The following PDE1A variants were observed in gnomAD, a reference collection of about 807,000 sequenced individuals.
The protein encoded by PDE1A is phosphodiesterase 1A.
In PDE1A, 35 loss-of-function variants were observed where a neutral mutation model predicts 61.7. The observed-to-expected ratio is 0.57, with a 90% CI of 0.43 to 0.75. The LOEUF (loss-of-function observed/expected upper bound fraction) is 0.75, where lower values mean the gene tolerates loss of function less well. Among genes scored for constraint, PDE1A ranks in the 30% least tolerant of loss-of-function variants. The pLI is 0.00. For missense variants in PDE1A, 597 were observed against 630.6 expected (o/e 0.95, Z 0.57); for synonymous variants, 232 against 213.2 (o/e 1.09, Z -0.77).
At chr2:182,547,525 A>T in the PDE1A span, among the ~76,000 whole-genome samples, 1 of 152,250 alleles carries the variant, frequency 6.6e-6, no homozygotes, top group Non-Finnish European at 1.5e-5. Context: ...GTTTTTATTA[A>T]TCAGGCCAGG....
chr2:182,608,596 C>T, the PDE1A span, among the ~76,000 whole-genome samples: 1 of 152,220 alleles, frequency 6.6e-6, no homozygotes, highest in Non-Finnish European at 1.5e-5. Flanking sequence ...CCTGGGCCAG[C>T]AGCTGCTGTG....
In PDE1A at chr2:182,191,855, T is replaced by TA. The variant is rs1050479003; in HGVS notation, c.1126-2796_1126-2795insT. On this transcript the variant is annotated intron_variant, in intron 10 of 13. Coordinates refer to ENST00000351439, the Ensembl canonical transcript of PDE1A. ...TATGATGATTTACTTTCTTTTTTTT[T>TA]TTATTTTTTTATTTTTTTTGAGACA... Among the ~76,000 whole-genome samples the TA allele has an allele frequency of 8.6e-5, 13 of 151,088 alleles. 1 individual carries two copies. Among genetic ancestry groups the TA allele is most frequent in the Admixed American group, 4.0e-4 (6 of 15,134 alleles).
chr2:182,454,126 A>T (rs1224892909), intron 2 of PDE1A, among the ~76,000 whole-genome samples: 2 of 152,184 alleles, frequency 1.3e-5, no homozygotes, highest in Non-Finnish European at 2.9e-5. Flanking sequence ...CACGAATAAC[A>T]GACAAACAGA....
the PDE1A span, among the ~76,000 whole-genome samples, chr2:182,585,251 G>A: frequency 5.9e-5 from 9 of 152,124 alleles, no homozygotes; most frequent in African/African-American, 1.7e-4. Context: ...AATTAGATTC[G>A]TGATAGCAAC....
chr2:182,633,286 T>G, the PDE1A span, among the ~76,000 whole-genome samples: 2 of 152,152 alleles, frequency 1.3e-5, no homozygotes, highest in African/African-American at 4.8e-5. Context: ...TGTAGTCAAA[T>G]AGATTTTCCT....
At chr2:182,668,614 C>T in the PDE1A span, among the ~76,000 whole-genome samples, 2 of 152,142 alleles carry the variant, frequency 1.3e-5, no homozygotes. Flanking sequence ...TGAAAGAACA[C>T]TCAGGGGGCT....
At chr2:182,309,855 G>T (rs1695848629) in intron 1 of PDE1A, among the ~76,000 whole-genome samples, 1 of 152,134 alleles carries the variant, frequency 6.6e-6, no homozygotes, top group Non-Finnish European at 1.5e-5. Flanking sequence ...AAGTATGGTG[G>T]AAAAGTTGCC....
At chr2:182,653,794 C>T in the PDE1A span, among the ~76,000 whole-genome samples, 4 of 152,198 alleles carry the variant, frequency 2.6e-5, no homozygotes, top group East Asian at 3.9e-4. Flanking sequence ...GGCTCAGATA[C>T]GAGTCTTAAC....
At chr2:182,580,895 T>C in the PDE1A span, among the ~76,000 whole-genome samples, 1 of 152,070 alleles carries the variant, frequency 6.6e-6, no homozygotes, top group Non-Finnish European at 1.5e-5. Context: ...TCCACATAAA[T>C]TACATGCCTT....
At chr2:182,625,189 T>A in the PDE1A span, among the ~76,000 whole-genome samples, 1 of 152,206 alleles carries the variant, frequency 6.6e-6, no homozygotes. Context: ...ATCCTGACCA[T>A]GCCAGTAGCC....
In PDE1A at chr2:182,389,680, A is replaced by G. The variant is rs553063253; in HGVS notation, c.53+36898T>C. Among the ~76,000 whole-genome samples, 5 of 152,338 alleles carry G rather than the reference A, an allele frequency of 3.3e-5. No individual in the cohort carries two copies. In the East Asian group the frequency reaches 9.6e-4, roughly 29 times the overall value. ...TCAACTTCATTGGATTGAAGGATCCAAAGTATTGTTCCTGGGTGTGTCTGT... is the reference window on the plus strand; with the variant it reads ...TCAACTTCATTGGATTGAAGGATCCGAAGTATTGTTCCTGGGTGTGTCTGT... On this transcript the variant is annotated intron_variant, in intron 1 of 13. Coordinates refer to ENST00000351439, the Ensembl canonical transcript of PDE1A.
At chr2:182,354,833 T>C (rs922413516) in intron 1 of PDE1A, among the ~76,000 whole-genome samples, 1 of 152,194 alleles carries the variant, frequency 6.6e-6, no homozygotes, top group Non-Finnish European at 1.5e-5. Flanking sequence ...GACCAGAGGT[T>C]CCTAATTATA....
intron 1 of PDE1A, among the ~76,000 whole-genome samples, chr2:182,395,997 C>T (rs1415467434): frequency 2.6e-5 from 4 of 152,192 alleles, no homozygotes; most frequent in Admixed American, 6.5e-5. Flanking sequence ...CAGCAGCATT[C>T]AGTCATCAAA....
At chr2:182,180,460 G>C (rs764457428) in intron 13 of PDE1A, among the ~76,000 whole-genome samples, 2 of 152,146 alleles carry the variant, frequency 1.3e-5, no homozygotes, top group Non-Finnish European at 2.9e-5. Context: ...TCTGCTGTTA[G>C]TCTGATGAGC....
chr2:182,327,737 G>A (rs754972703), intron 1 of PDE1A, among the ~76,000 whole-genome samples: 1 of 152,200 alleles, frequency 6.6e-6, no homozygotes, highest in Non-Finnish European at 1.5e-5. Flanking sequence ...GAAGTATGGA[G>A]GAATAGGAAG....
At chr2:182,515,122 A>T (rs186732056) in intron 2 of PDE1A, among the ~76,000 whole-genome samples, 13 of 152,378 alleles carry the variant, frequency 8.5e-5, no homozygotes, top group Admixed American at 8.5e-4. Context: ...CTTATGAGGT[A>T]GGTATCAGTT....
intron 3 of PDE1A, among the ~76,000 whole-genome samples, chr2:182,237,666 A>G (rs144036886): frequency 8.5e-5 from 13 of 152,302 alleles, no homozygotes; most frequent in African/African-American, 3.1e-4. Flanking sequence ...AAGTGCTAGG[A>G]GGTAAACCAC....
chr2:182,596,511 C>T, the PDE1A span, among the ~76,000 whole-genome samples: 6 of 152,260 alleles, frequency 3.9e-5, no homozygotes, highest in East Asian at 1.9e-4. Context: ...ACCAAAGTGG[C>T]GATACTCTTC....
chr2:182,475,436 TGA>T (rs1219851222), intron 2 of PDE1A, among the ~76,000 whole-genome samples: 1 of 152,018 alleles, frequency 6.6e-6, no homozygotes, highest in East Asian at 1.9e-4. Context: ...AGTATCTCAC[TGA>T]GGGGAATAAA....
Sources: gnomAD v4.1 joint callset for allele counts (sites outside exome capture counted in the v4.1 genomes callset) on GRCh38, gnomAD v4.1.1 for gene constraint, MANE v1.5 for transcripts, NCBI Gene and HGNC (gene_info 2026-07-23, HGNC 2026-07-21) for gene names.